GRIA1: variants seen among roughly 807,000 people sequenced by gnomAD.
GRIA1 encodes the protein glutamate ionotropic receptor AMPA type subunit 1.
GRIA1 carries 31 observed loss-of-function variants against 99.2 expected under a neutral mutation model. The ratio of observed to expected loss-of-function variants is 0.31; its 90% CI spans 0.23 to 0.42. The LOEUF is 0.42. GRIA1 is among the 10% of genes least tolerant of loss of function. The probability of loss-of-function intolerance (pLI) is 1.00; values close to 1 mark genes in which losing one functional copy is unlikely to be tolerated. For missense variants in GRIA1, 782 were observed against 1,157.5 expected (o/e 0.68, Z 4.71); for synonymous variants, 438 against 432.4 (o/e 1.01, Z -0.16).
intron 14 of GRIA1, among the ~76,000 whole-genome samples, chr5:153,797,017 C>T (rs1023138223): frequency 1.3e-5 from 2 of 152,188 alleles, no homozygotes; most frequent in African/African-American, 2.4e-5. Flanking sequence ...TGCTCTGCTC[C>T]GCTTGCTCCT....
At chr5:153,579,669 A>G (rs1317085345) in intron 2 of GRIA1, among the ~76,000 whole-genome samples, 1 of 152,186 alleles carries the variant, frequency 6.6e-6, no homozygotes, top group Non-Finnish European at 1.5e-5. Flanking sequence ...TGTTTTTCTC[A>G]TCTATTGTTT....
At chr5:153,753,404 G>A (rs1178363754) in intron 11 of GRIA1, among the ~76,000 whole-genome samples, 2 of 152,204 alleles carry the variant, frequency 1.3e-5, no homozygotes, top group Non-Finnish European at 2.9e-5. Context: ...CAGGAGTCAT[G>A]AGTTAAAGAA....
rs766534947 is a variant in GRIA1, at chr5:153,650,327, T to C, written c.461-3T>C. 1.2e-6 allele frequency: 2 copies of C among 1,612,920 alleles called. No individual in the cohort carries two copies. Among genetic ancestry groups the C allele is most frequent in the East Asian group, 2.2e-5 (1 of 44,836 alleles). ...ATTTCTCTTCTACTCATCTGAACTT[T>C]AGGCTTATCCGTCCTGCAGAAAGTC... On this transcript the variant is annotated splice_region_variant and splice_polypyrimidine_tract_variant and intron_variant, in intron 3 of 15. Coordinates refer to ENST00000285900, the MANE Select transcript of GRIA1 (RefSeq NM_000827.4).
intron 2 of GRIA1, among the ~76,000 whole-genome samples, chr5:153,545,363 G>T (rs543274366): frequency 6.6e-6 from 1 of 151,992 alleles, no homozygotes; most frequent in East Asian, 1.9e-4. Context: ...CAGAAGGAGG[G>T]GTGAGTTAAA....
intron 13 of GRIA1, among the ~76,000 whole-genome samples, chr5:153,786,829 A>G (rs557484294): frequency 6.6e-6 from 1 of 152,338 alleles, no homozygotes; most frequent in South Asian, 2.1e-4. Flanking sequence ...GCAAGAAGCA[A>G]GCACACAGGA....
chr5:153,598,516 T>A (rs1764613573), intron 2 of GRIA1, among the ~76,000 whole-genome samples: 2 of 152,150 alleles, frequency 1.3e-5, no homozygotes, highest in African/African-American at 4.8e-5. Context: ...ATGCTTAGAA[T>A]CTGGAAAGCC....
intron 5 of GRIA1, among the ~76,000 whole-genome samples, chr5:153,670,721 A>C: frequency 6.6e-6 from 1 of 152,158 alleles, no homozygotes; most frequent in East Asian, 1.9e-4. Context: ...ATTTAATTAA[A>C]CCTTATTTAA....
intron 15 of GRIA1, among the ~76,000 whole-genome samples, chr5:153,808,281 T>G (rs1163612231): frequency 2.0e-5 from 3 of 151,942 alleles, no homozygotes; most frequent in Non-Finnish European, 2.9e-5. Context: ...CCCTCAAGGA[T>G]GAACTTTAAG....
intron 2 of GRIA1, among the ~76,000 whole-genome samples, chr5:153,510,284 T>C (rs895203530): frequency 6.6e-6 from 1 of 152,220 alleles, no homozygotes; most frequent in Non-Finnish European, 1.5e-5. Context: ...GGAAAGTGAA[T>C]TTTAGGATAA....
intron 2 of GRIA1, among the ~76,000 whole-genome samples, chr5:153,562,387 G>T (rs950804291): frequency 1.3e-5 from 2 of 152,226 alleles, no homozygotes; most frequent in South Asian, 4.2e-4. Context: ...CAATTAGCAC[G>T]ACCTATTTTG....
chr5:153,800,672 T>G (rs896004837), intron 14 of GRIA1, among the ~76,000 whole-genome samples: 16 of 152,354 alleles, frequency 1.1e-4, no homozygotes, highest in Middle Eastern at 3.4e-3. Context: ...TGGCCAAAGC[T>G]GCTACTGGAA....
intron 13 of GRIA1, among the ~76,000 whole-genome samples, chr5:153,783,317 C>G (rs1764759731): frequency 6.6e-6 from 1 of 152,134 alleles, no homozygotes; most frequent in Non-Finnish European, 1.5e-5. Flanking sequence ...CATTCATTCC[C>G]TCTGTTATCT....
intron 2 of GRIA1, among the ~76,000 whole-genome samples, chr5:153,496,813 C>A (rs746843471): frequency 6.6e-6 from 1 of 152,256 alleles, no homozygotes; most frequent in East Asian, 1.9e-4. Flanking sequence ...TTTTTGAAAT[C>A]TGAATTAGTA....
At chr5:153,735,926 G>C (rs1483861849) in intron 11 of GRIA1, among the ~76,000 whole-genome samples, 1 of 152,164 alleles carries the variant, frequency 6.6e-6, no homozygotes, top group Non-Finnish European at 1.5e-5. Flanking sequence ...CAACATGTTA[G>C]GTTTGAGATG....
intron 2 of GRIA1, among the ~76,000 whole-genome samples, chr5:153,611,673 A>C (rs1343665288): frequency 2.0e-5 from 3 of 152,222 alleles, no homozygotes; most frequent in Non-Finnish European, 4.4e-5. Flanking sequence ...TTTTTAAAAA[A>C]TTATAAGATG....
intron 2 of GRIA1, among the ~76,000 whole-genome samples, chr5:153,553,565 T>C (rs1347973978): frequency 6.6e-6 from 1 of 152,156 alleles, no homozygotes; most frequent in African/African-American, 2.4e-5. Flanking sequence ...GGACTGTCCA[T>C]ATGCACAGTG....
chr5:153,770,524 G>A (rs920209566), intron 13 of GRIA1, 109 bp downstream of exon 13: 4 of 1,061,668 alleles, frequency 3.8e-6, no homozygotes, highest in Non-Finnish European at 5.6e-6. Flanking sequence ...AAGCTGTTGA[G>A]GGGGCTCTTC....
intron 11 of GRIA1, among the ~76,000 whole-genome samples, chr5:153,762,067 G>C (rs1486272096): frequency 1.3e-5 from 2 of 152,192 alleles, no homozygotes; most frequent in African/African-American, 2.4e-5. Context: ...CAAAGGCACA[G>C]TTAGATGGAA....
At chr5:153,541,745 C>A (rs1339082831) in intron 2 of GRIA1, among the ~76,000 whole-genome samples, 1 of 151,952 alleles carries the variant, frequency 6.6e-6, no homozygotes, top group Non-Finnish European at 1.5e-5. Flanking sequence ...TCCTGGCCAA[C>A]ATAGTGAAAC....
Sources: allele counts gnomAD v4.1 joint callset (sites outside exome capture counted in the v4.1 genomes callset), GRCh38; gene constraint gnomAD v4.1.1; transcripts MANE v1.5; gene names NCBI Gene and HGNC (gene_info 2026-07-23, HGNC 2026-07-21).